The following SDK1 variants were observed in gnomAD, a reference collection of about 807,000 sequenced individuals.
The protein encoded by SDK1 is sidekick cell adhesion molecule 1.
In SDK1, 157 loss-of-function variants were observed where a neutral mutation model predicts 245.5. The observed-to-expected ratio is 0.64, with a 90% CI of 0.56 to 0.73. SDK1 has a LOEUF of 0.73. Among genes scored for constraint, SDK1 ranks in the 30% least tolerant of loss-of-function variants. The pLI is 0.00. For missense variants in SDK1, 3,583 were observed against 3,002.3 expected (o/e 1.19, Z -4.52); for synonymous variants, 1,647 against 1,278.5 (o/e 1.29, Z -6.15).
intron 5 of SDK1, among the ~76,000 whole-genome samples, chr7:3,920,158 A>C (rs1029509575): frequency 2.0e-5 from 3 of 152,204 alleles, no homozygotes; most frequent in African/African-American, 7.2e-5. Context: ...GATGGAGAGC[A>C]GCACTGAGGA....
At chr7:4,225,499 G>A (rs923303699) in intron 40 of SDK1, among the ~76,000 whole-genome samples, 1 of 152,136 alleles carries the variant, frequency 6.6e-6, no homozygotes, top group African/African-American at 2.4e-5. Flanking sequence ...CATTTTCCAG[G>A]CAGCGATAAG....
rs149164114 is a variant in SDK1 at position 3,464,294 on chromosome 7, C to T, written c.299-154786C>T. Among the ~76,000 whole-genome samples the T allele has an allele frequency of 1.2e-3, 182 of 152,186 alleles. 2 individuals carry two copies. Among genetic ancestry groups the T allele is most frequent in the African/African-American group, 3.9e-3 (163 of 41,504 alleles). On this transcript the variant is annotated intron_variant, in intron 1 of 44. Transcript: ENST00000404826. ...ATCCTAACACTTTCGGAGGCCAAGG[C>T]GGGAACATTGCTTGAGGCCGGGAGT... is the stretch of plus-strand genomic sequence containing the variant.
chr7:3,476,297 T>G (rs1453268118), intron 1 of SDK1, among the ~76,000 whole-genome samples: 3 of 152,216 alleles, frequency 2.0e-5, no homozygotes, highest in East Asian at 1.9e-4. Context: ...CACAGCTGTT[T>G]GCTGTTTATA....
intron 1 of SDK1, among the ~76,000 whole-genome samples, chr7:3,610,056 A>T (rs926165136): frequency 2.6e-5 from 4 of 152,212 alleles, no homozygotes; most frequent in African/African-American, 9.6e-5. Context: ...CTCAAATCAC[A>T]TATTATTACT....
At position 3,528,706 on chromosome 7, in the gene SDK1, GTAA is replaced by G. The variant is rs1336954698; in HGVS notation, c.299-90371_299-90369del. Among the ~76,000 whole-genome samples the G allele has an allele frequency of 2.0e-5, 3 of 152,194 alleles. No individual in the cohort carries two copies. The East Asian group carries it at 5.8e-4, about 29-fold the overall frequency. ...AGGGCTTGGGTTTTATTTTGAAGGC[GTAA>G]TACACAGGACTTGATAATGGATTAG... On this transcript the variant is annotated intron_variant, in intron 1 of 44. Coordinates refer to ENST00000404826, the MANE Select transcript of SDK1 (RefSeq NM_152744.4).
intron 1 of SDK1, among the ~76,000 whole-genome samples, chr7:3,514,932 A>G (rs1782694839): frequency 1.3e-5 from 2 of 152,206 alleles, no homozygotes. Context: ...CAAGAGCAAA[A>G]GAAACATTTC....
At chr7:3,521,108 A>G (rs547058337) in intron 1 of SDK1, among the ~76,000 whole-genome samples, 1 of 152,238 alleles carries the variant, frequency 6.6e-6, no homozygotes, top group South Asian at 2.1e-4. Flanking sequence ...GGAAGCCTCC[A>G]TCTTCTGCCA....
intron 4 of SDK1, among the ~76,000 whole-genome samples, chr7:3,647,952 G>C (rs555301391): frequency 1.5e-4 from 23 of 152,154 alleles, no homozygotes; most frequent in Non-Finnish European, 2.9e-4. Flanking sequence ...AAGACGAACA[G>C]TATATTGAGA....
At chr7:3,575,698 C>G (rs1216994471) in intron 1 of SDK1, among the ~76,000 whole-genome samples, 4 of 151,944 alleles carry the variant, frequency 2.6e-5, no homozygotes, top group Admixed American at 2.6e-4. Context: ...GGGGGATCAA[C>G]TTATAAAGAG....
At chr7:3,927,815 T>A (rs1779828048) in intron 5 of SDK1, among the ~76,000 whole-genome samples, 1 of 152,246 alleles carries the variant, frequency 6.6e-6, no homozygotes. Flanking sequence ...TCACTTACTG[T>A]CTTTAGATAA....
intron 4 of SDK1, chr7:3,643,099 C>G (rs918669132): frequency 6.6e-6 from 1 of 151,920 alleles, no homozygotes; most frequent in Non-Finnish European, 1.5e-5. Flanking sequence ...CATCTCCAAC[C>G]CTACCTGAGC....
intron 31 of SDK1, among the ~76,000 whole-genome samples, chr7:4,161,271 C>T (rs1333771507): frequency 6.6e-6 from 1 of 152,206 alleles, no homozygotes; most frequent in African/African-American, 2.4e-5. Flanking sequence ...GCAGACTCCC[C>T]TTCACTTCAC....
At chr7:3,717,713 T>C (rs1785243521) in intron 4 of SDK1, among the ~76,000 whole-genome samples, 1 of 152,154 alleles carries the variant, frequency 6.6e-6, no homozygotes, top group African/African-American at 2.4e-5. Context: ...TGCCAAAAAC[T>C]CAACCTATAG....
In SDK1 at chr7:3,962,847, A is replaced by G; in HGVS notation, c.1425A>G (p.Val475=). The change falls in exon 9 of 45, where the codon GTA becomes GTG. Residue 475 remains valine (V), a synonymous_variant. Transcript: ENST00000404826. ...TCCAGACCCACACCTACCTGGATGT[A>G]ACCAGTGAGTACACCCAGGCCCACA... ...GEIQTHTYLD[V]TNIAPVFTQR... The G allele has an allele frequency of 6.2e-7, 1 of 1,611,146 alleles. No homozygotes were observed. The highest frequency in any genetic ancestry group is 8.5e-7 in the Non-Finnish European group (1 of 1,178,846).
chr7:3,748,175 A>G (rs1172394545), intron 4 of SDK1, among the ~76,000 whole-genome samples: 2 of 152,280 alleles, frequency 1.3e-5, no homozygotes, highest in South Asian at 2.1e-4. Flanking sequence ...ACAAAACAGC[A>G]TGTTTGGTTT....
chr7:3,605,461 C>T lies in SDK1; in HGVS notation c.299-13619C>T, dbSNP rs537764266. 1.3e-3 allele frequency among the ~76,000 whole-genome samples: 203 copies of T among 152,262 alleles called. 1 individual carries two copies. The highest frequency in any genetic ancestry group is 2.3e-3 in the Non-Finnish European group (158 of 68,010). ...ACTTCATTGCTCAGGCATGTAAGACCTTCCTGTTTACTAATAATGTTGACT... is the reference window on the plus strand; with the variant it reads ...ACTTCATTGCTCAGGCATGTAAGACTTTCCTGTTTACTAATAATGTTGACT... On this transcript the variant is annotated intron_variant, in intron 1 of 44. Transcript: ENST00000404826.
intron 1 of SDK1, among the ~76,000 whole-genome samples, chr7:3,610,864 A>C (rs570954582): frequency 6.6e-6 from 1 of 152,370 alleles, no homozygotes; most frequent in East Asian, 1.9e-4. Flanking sequence ...CTCTGTTTTC[A>C]CATGGACTGA....
chr7:3,999,917 G>A (rs1409887360), intron 14 of SDK1, among the ~76,000 whole-genome samples: 2 of 152,166 alleles, frequency 1.3e-5, no homozygotes, highest in Admixed American at 1.3e-4. Flanking sequence ...GGGACCAAAT[G>A]ATGCCAGACC....
chr7:3,720,120 C>T (rs188403919), intron 4 of SDK1, among the ~76,000 whole-genome samples: 1 of 151,690 alleles, frequency 6.6e-6, no homozygotes, highest in East Asian at 1.9e-4. Context: ...TATGAATGAC[C>T]TTATTAAGAG....
Sources: allele counts gnomAD v4.1 joint callset (sites outside exome capture counted in the v4.1 genomes callset), GRCh38; gene constraint gnomAD v4.1.1; transcripts MANE v1.5; gene names NCBI Gene and HGNC (gene_info 2026-07-23, HGNC 2026-07-21).